ZNF610: variants seen among roughly 807,000 people sequenced by gnomAD.
The protein encoded by ZNF610 is zinc finger protein 610, also known as zink finger protein.
A neutral mutation model predicts 14.1 loss-of-function variants in ZNF610; 14 were observed. The observed-to-expected ratio is 0.99, with a 90% CI of 0.65 to 1.55. The LOEUF (loss-of-function observed/expected upper bound fraction) is 1.55, where lower values mean the gene tolerates loss of function less well. Ranked by LOEUF, ZNF610 falls within the 40% of genes most tolerant of loss-of-function variation. The pLI, the probability that ZNF610 is intolerant of heterozygous loss-of-function variation, is 0.00. For synonymous variants in ZNF610, 185 were observed against 187.6 expected, an observed-to-expected ratio of 0.99 and a Z score of 0.11; for missense variants, 530 against 558.0, an observed-to-expected ratio of 0.95 and a Z score of 0.51.
intron 5 of ZNF610, among the ~76,000 whole-genome samples, chr19:52,360,978 C>T (rs895861282): frequency 2.6e-5 from 4 of 152,070 alleles, no homozygotes; most frequent in African/African-American, 9.7e-5. Flanking sequence ...GTGTTAAATC[C>T]TTTTTCAGTA....
upstream of ZNF610, among the ~76,000 whole-genome samples, chr19:52,334,775 A>G (rs1021823031): frequency 9.9e-5 from 15 of 151,858 alleles, no homozygotes; most frequent in Non-Finnish European, 8.8e-5. Flanking sequence ...CTAAAAATAC[A>G]AAAATTAGCC....
At chr19:52,365,010 C>T (rs1188982429) in intron 5 of ZNF610, among the ~76,000 whole-genome samples, 1 of 152,112 alleles carries the variant, frequency 6.6e-6, no homozygotes, top group African/African-American at 2.4e-5. Flanking sequence ...CTTTGGGAGA[C>T]CAAGGCAGGC....
In ZNF610 at chr19:52,366,405, C is replaced by A. The variant is rs1479125702; in HGVS notation, c.1027C>A (p.Pro343Thr). ...TCAGAGAAGTCACACGGCGGAAAAA[C>A]CTTACAAATGTAATGAATGTGGCAA... ...NHQRSHTAEKPYKCNECGKVF... is the reference protein window; with the variant it reads ...NHQRSHTAEKTYKCNECGKVF... The change falls in exon 6 of 6, where the codon CCT becomes ACT. Residue 343 changes from proline (P) to threonine (T), a missense_variant. Coordinates refer to ENST00000403906, the MANE Select transcript of ZNF610 (RefSeq NM_001161425.2). 1.9e-6 allele frequency: 3 copies of A among 1,614,080 alleles called. No individual in the cohort carries two copies. The highest frequency in any genetic ancestry group is 2.5e-6 in the Non-Finnish European group (3 of 1,180,022).
chr19:52,366,675 T>C lies in ZNF610; in HGVS notation c.1297T>C (p.Cys433Arg). The C allele has an allele frequency of 1.2e-6, 2 of 1,614,254 alleles. No homozygotes were observed. Among genetic ancestry groups the C allele is most frequent in the Admixed American group, 1.7e-5 (1 of 60,024 alleles). ...TGERPYKCNA[C>R]GKVFNQNPHL... ...AGAGAGACCTTACAAGTGTAATGCA[T>C]GTGGCAAGGTCTTCAATCAAAATCC... Residue 433 changes from cysteine (C) to arginine (R), a missense_variant, in exon 6 of 6, where the codon TGT becomes CGT. Cys to Arg is a radical substitution (Grantham distance 180, BLOSUM62 -3). Transcript: ENST00000403906.
At chr19:52,357,397 G>A (rs572606852) in intron 5 of ZNF610, among the ~76,000 whole-genome samples, 2 of 152,206 alleles carry the variant, frequency 1.3e-5, no homozygotes, top group South Asian at 2.1e-4. Flanking sequence ...TGTAATCCCA[G>A]CACTTTGGGA....
chr19:52,358,589 C>T (rs1389261221), intron 5 of ZNF610, among the ~76,000 whole-genome samples: 2 of 152,170 alleles, frequency 1.3e-5, no homozygotes, highest in African/African-American at 4.8e-5. Context: ...AATATTTTCT[C>T]ACATATGGTA....
Position 52,365,070 on chromosome 19 carries a change from AC to A in ZNF610, c.320-624del, listed in dbSNP as rs559965991. Among the ~76,000 whole-genome samples the A allele has an allele frequency of 4.8e-3, 720 of 149,108 alleles. 5 individuals carry two copies. The highest frequency in any genetic ancestry group is 8.0e-3 in the Non-Finnish European group (540 of 67,336). ...AGACCAGTCTGGCCAACGTGGTGAA[AC>A]CCCGTCTCTACTAAAAATACAAAAA... On this transcript the variant is annotated intron_variant, in intron 5 of 5. Transcript: ENST00000403906.
intron 1 of ZNF610, chr19:52,344,023 A>G (rs1251701483): frequency 1.3e-5 from 2 of 152,052 alleles, no homozygotes; most frequent in Non-Finnish European, 2.9e-5. Context: ...CTGGGGTGGG[A>G]GGGAAGTTTA....
chr19:52,332,793 C>T (rs1025029545), upstream of ZNF610, among the ~76,000 whole-genome samples: 1 of 152,156 alleles, frequency 6.6e-6, no homozygotes, highest in East Asian at 1.9e-4. This position sits in a 1 kb window ranked among gnomAD's most constrained non-coding sequence, Gnocchi z 4.1. Context: ...GAATTAAAAA[C>T]TAGTGTGGTC....
At chr19:52,333,605 C>G (rs1984257920), upstream of ZNF610, among the ~76,000 whole-genome samples, 1 of 152,168 alleles carries the variant, frequency 6.6e-6, no homozygotes, top group Non-Finnish European at 1.5e-5. Flanking sequence ...CGTAGCTTTC[C>G]AAATTCAATT....
At chr19:52,361,468 C>T (rs1481797979) in intron 5 of ZNF610, among the ~76,000 whole-genome samples, 2 of 151,736 alleles carry the variant, frequency 1.3e-5, no homozygotes, top group African/African-American at 2.4e-5. Context: ...TGAGCCACTG[C>T]GCCCGGCCAC....
intron 1 of ZNF610, among the ~76,000 whole-genome samples, chr19:52,346,834 A>G (rs939270421): frequency 1.3e-5 from 2 of 151,936 alleles, no homozygotes; most frequent in African/African-American, 4.8e-5. Context: ...GGTTCAAGCA[A>G]TTCTCCTGCC....
chr19:52,366,843 C>A lies in ZNF610; in HGVS notation c.*76C>A. On this transcript the variant is annotated 3_prime_UTR_variant, in exon 6 of 6. Coordinates refer to ENST00000403906, the MANE Select transcript of ZNF610 (RefSeq NM_001161425.2). ...CTCAGGAGAAAAACCTTACAAATAT[C>A]ATAAATGTGGCAAAGAATTTAGTTT... 8.3e-7 allele frequency: 1 copy of A among 1,198,558 alleles called. No individual in the cohort carries two copies. The highest frequency in any genetic ancestry group is 1.5e-5 in the South Asian group (1 of 66,602). 74.2% of individuals were successfully genotyped at this position (1,198,558 alleles called of 1,614,324 possible).
Position 52,353,623 on chromosome 19 carries a change from C to T in ZNF610, c.64-59C>T, listed in dbSNP as rs1054628333. The T allele has an allele frequency of 1.9e-6, 3 of 1,582,440 alleles. No individual in the cohort carries two copies. In the South Asian group the frequency reaches 3.4e-5, roughly 18 times the overall value. On this transcript the variant is annotated intron_variant, in intron 3 of 5. Coordinates refer to ENST00000403906, the MANE Select transcript of ZNF610 (RefSeq NM_001161425.2). ...CTTAATATTCAAAAATGTTTATCAA[C>T]TAAATTGAGTACAATTTCTACATTT...
upstream of ZNF610, chr19:52,336,200 C>G (rs11670801): frequency 0.19 from 34,710 of 186,156 alleles, 3,480 homozygotes; most frequent in Non-Finnish European, 0.21. Flanking sequence ...CCCGCCCCGT[C>G]CCGTCCCGGT....
rs912340253 is a variant in ZNF610, at chr19:52,347,938, A to G, written c.-26A>G. 1.3e-5 allele frequency: 2 copies of G among 152,218 alleles called. No individual in the cohort carries two copies. The highest frequency in any genetic ancestry group is 4.8e-5 in the African/African-American group (2 of 41,470). 9.4% of individuals were successfully genotyped at this position (152,218 alleles called of 1,614,324 possible). ...AGCAATTTCTAGTCCTGCAAGCGCC[A>G]TTCATGGTGAGTGCCCTAGACAGCT... is the stretch of plus-strand genomic sequence containing the variant. On this transcript the variant is annotated 5_prime_UTR_variant, in exon 2 of 6. Coordinates refer to ENST00000403906, the MANE Select transcript of ZNF610 (RefSeq NM_001161425.2).
chr19:52,345,815 C>T (rs1984913158), intron 1 of ZNF610, among the ~76,000 whole-genome samples: 1 of 151,892 alleles, frequency 6.6e-6, no homozygotes. Flanking sequence ...CACCATTCTC[C>T]CACCTCAGCC....
chr19:52,359,889 G>C (rs116326531), intron 5 of ZNF610, among the ~76,000 whole-genome samples: 2 of 152,108 alleles, frequency 1.3e-5, no homozygotes, highest in South Asian at 4.1e-4. Flanking sequence ...CTTTGGGCTC[G>C]ATAAAGTTTC....
chr19:52,351,413 G>T (rs949471590), intron 3 of ZNF610, among the ~76,000 whole-genome samples: 3 of 151,456 alleles, frequency 2.0e-5, no homozygotes, highest in Non-Finnish European at 4.4e-5. Context: ...CCAAGATTGC[G>T]CCATTGCACT....
Sources: allele counts gnomAD v4.1 joint callset (sites outside exome capture counted in the v4.1 genomes callset), GRCh38; gene constraint gnomAD v4.1.1; non-coding constraint Gnocchi (gnomAD v3.1); transcripts MANE v1.5; gene names NCBI Gene and HGNC (gene_info 2026-07-23, HGNC 2026-07-21).